Variants in SLC25A3 observed in about 807,000 individuals in gnomAD.
The protein encoded by SLC25A3 is phosphate transport protein.
In SLC25A3, 14 loss-of-function variants were observed where a neutral mutation model predicts 37.1. The observed-to-expected ratio is 0.38, with a 90% confidence interval of 0.25 to 0.59. The LOEUF (loss-of-function observed/expected upper bound fraction) is 0.59, where lower values mean the gene tolerates loss of function less well. Ranked by LOEUF, SLC25A3 falls within the 20% of genes least tolerant of loss-of-function variation. The pLI is 0.67. For synonymous variants in SLC25A3, 161 were observed against 168.7 expected (o/e 0.95, Z 0.36); for missense variants, 385 against 458.1 (o/e 0.84, Z 1.46).
chr12:98,599,785 G>C (rs776694093), intron 5 of SLC25A3, 170 bp from the exon 6 acceptor site: 1 of 824,310 alleles, frequency 1.2e-6, no homozygotes, highest in Admixed American at 1.7e-5. Flanking sequence ...TGGCATGTAA[G>C]AGAAATATAC....
Position 98,597,861 on chromosome 12 carries a change from C to G in SLC25A3, c.285C>G (p.Asp95Glu). The G allele has an allele frequency of 6.2e-7, 1 of 1,612,086 alleles. No homozygotes were observed. The highest frequency in any genetic ancestry group is 8.5e-7 in the Non-Finnish European group (1 of 1,178,622). The part of the protein sequence containing the change: ...LDLVKCRMQV[D>E]PQKYKGIFNG... ...TTTTCTTGTTTTAAATAAAGGTGGA[C>G]CCCCAAAAGTACAAGGGCATATTTA... Residue 95 changes from aspartate (D) to glutamate (E), a missense_variant, in exon 4 of 8, where the codon GAC (aspartate) becomes GAG (glutamate). By Grantham distance (45) the Asp-to-Glu change is conservative. Coordinates refer to ENST00000552981, the MANE Select transcript of SLC25A3 (RefSeq NM_002635.4).
rs2097598349 is a variant in SLC25A3 at position 98,602,074 on chromosome 12, A to G, written c.*546A>G. On this transcript the variant is annotated 3_prime_UTR_variant, in exon 8 of 8. Transcript: ENST00000552981. ...CCTTATTTGTAAGACAAGGTAAACC[A>G]AATTAGGCTGATTCTTAGAATGACA... is the stretch of plus-strand genomic sequence containing the variant. The G allele has an allele frequency of 6.2e-6, 1 of 160,414 alleles. No individual in the cohort carries two copies. Among genetic ancestry groups the G allele is most frequent in the African/African-American group, 2.4e-5 (1 of 41,484 alleles). The allele number at this position is 160,414 out of a possible 1,614,324, so 9.9% of individuals were successfully genotyped here. A position where few individuals can be genotyped will look rare whatever the true frequency, so the allele number is the denominator to read the frequency against.
intron 5 of SLC25A3, chr12:98,599,694 C>T: frequency 1.6e-6 from 1 of 635,428 alleles, no homozygotes; most frequent in Non-Finnish European, 3.0e-6. Flanking sequence ...CACTTGTAAA[C>T]TTCTTGTTTC....
In SLC25A3 at chr12:98,601,699, CTCT is replaced by C; in HGVS notation, c.*174_*176del. The stretch of plus-strand genomic sequence containing the variant: ...AGATTTACTGTTGAAATAAACCCAA[CTCT>C]TCATGATTTGCCTGTGACTTATTTT... On this transcript the variant is annotated 3_prime_UTR_variant, in exon 8 of 8. Transcript: ENST00000552981. 1 of 626,596 alleles carries C rather than the reference CTCT, an allele frequency of 1.6e-6. No homozygotes were observed. The highest frequency in any genetic ancestry group is 2.8e-6 in the Non-Finnish European group (1 of 352,220). The allele number at this position is 626,596 out of a possible 1,614,324, so 38.8% of individuals were successfully genotyped here.
rs754191704 is a variant in SLC25A3, at chr12:98,595,786, T to A, written c.217T>A (p.Leu73Ile). The A allele has an allele frequency of 6.2e-7, 1 of 1,614,234 alleles. No homozygotes were observed. The highest frequency in any genetic ancestry group is 1.7e-5 in the Admixed American group (1 of 60,030). Residue 73 changes from leucine (L) to isoleucine (I), a missense_variant, in exon 3 of 8, where the codon TTA (leucine) becomes ATA (isoleucine). Leu to Ile is a conservative substitution (Grantham distance 5). Transcript: ENST00000552981. ...YYALCGFGGV[L>I]SCGLTHTAVV... ...TGCACTGTGTGGCTTTGGTGGGGTC[T>A]TAAGTTGTGGTCTGACACACACTGC...
At position 98,594,006 on chromosome 12, in the gene SLC25A3, C is replaced by T. The variant is rs1275455194; in HGVS notation, c.28C>T (p.Arg10Trp). 1 of 1,613,864 alleles carries T rather than the reference C, an allele frequency of 6.2e-7. No homozygotes were observed. Among genetic ancestry groups the T allele is most frequent in the South Asian group, 1.1e-5 (1 of 91,088 alleles). The change falls in exon 2 of 8, where the codon CGG (arginine) becomes TGG (tryptophan). Residue 10 changes from arginine to tryptophan, a missense_variant. Arg to Trp is a moderately radical substitution (Grantham distance 101). Transcript: ENST00000552981. ...GTTCTCGTCCGTGGCGCACCTGGCG[C>T]GGGCGAACCCCTTCAACACGCCACA... MFSSVAHLA[R>W]ANPFNTPHLQ... is the part of the protein sequence containing the mutation.
intron 3 of SLC25A3, among the ~76,000 whole-genome samples, chr12:98,596,478 T>G (rs1477067099): frequency 6.6e-6 from 1 of 152,186 alleles, no homozygotes; most frequent in Non-Finnish European, 1.5e-5. Context: ...TCCCTTCTAG[T>G]ACTGGCAGAA....
intron 2 of SLC25A3, chr12:98,595,483 C>G (rs1228399910): frequency 4.3e-6 from 7 of 1,613,086 alleles, no homozygotes; most frequent in Non-Finnish European, 5.9e-6. Flanking sequence ...CCTTTGTGGA[C>G]TTGGAGGAAT....
intron 1 of SLC25A3, 78 bp downstream of exon 1, chr12:98,593,818 G>A: frequency 1.3e-6 from 1 of 766,556 alleles, no homozygotes; most frequent in Non-Finnish European, 2.2e-6. Context: ...CTGCTTTGGC[G>A]GTGGGCCCAG....
At chr12:98,597,830 T>C (rs1432581947) in intron 3 of SLC25A3, 26 bp from the exon 4 acceptor site, 1 of 1,546,714 alleles carries the variant, frequency 6.5e-7, no homozygotes, top group Non-Finnish European at 8.9e-7. Context: ...GTGCATTTAA[T>C]TTTTTTTTTC....
intron 5 of SLC25A3, 68 bp from the exon 6 acceptor site, chr12:98,599,887 G>C (rs775540763): frequency 3.2e-6 from 5 of 1,562,938 alleles, no homozygotes; most frequent in Non-Finnish European, 4.4e-6. Context: ...GGACATTTCT[G>C]TTAATAATGA....
In SLC25A3 at chr12:98,601,973, G is replaced by T; in HGVS notation, c.*445G>T. ...ATGTGTAGTCATTTGTGGTTATTTT[G>T]GCAAGTAAATGTCAGTGTATACTTA... On this transcript the variant is annotated 3_prime_UTR_variant, in exon 8 of 8. Transcript: ENST00000552981. The T allele has an allele frequency of 5.0e-6, 1 of 198,230 alleles. No individual in the cohort carries two copies. The highest frequency in any genetic ancestry group is 8.1e-5 in the South Asian group (1 of 12,380). 12.3% of individuals were successfully genotyped at this position (198,230 alleles called of 1,614,324 possible). A position where few individuals can be genotyped will look rare whatever the true frequency, so the allele number is the denominator to read the frequency against.
chr12:98,602,726 G>A lies in SLC25A3; in HGVS notation c.*1198G>A, dbSNP rs1053799293. The stretch of plus-strand genomic sequence containing the variant: ...GACAGCCCACCACTGGAAAAAAAAC[G>A]AAAAACCTAGTGTAATATATAACAT... On this transcript the variant is annotated 3_prime_UTR_variant, in exon 8 of 8. Transcript: ENST00000552981. 2.6e-5 allele frequency: 4 copies of A among 152,086 alleles called. No individual in the cohort carries two copies. The highest frequency in any genetic ancestry group is 4.4e-5 in the Non-Finnish European group (3 of 68,016). The allele number at this position is 152,086 out of a possible 1,614,324, so 9.4% of individuals were successfully genotyped here.
chr12:98,599,342 C>T (rs1449606397), intron 5 of SLC25A3, among the ~76,000 whole-genome samples: 5 of 152,184 alleles, frequency 3.3e-5, no homozygotes, highest in South Asian at 4.1e-4. Context: ...CGTGAGACAC[C>T]GCGTCTGGCT....
intron 5 of SLC25A3, chr12:98,599,723 A>C (rs1198887561): frequency 1.5e-6 from 1 of 689,032 alleles, no homozygotes; most frequent in East Asian, 2.9e-5. Context: ...CCAGTAGTCA[A>C]AGAAACATCC....
chr12:98,600,440 T>A (rs2097596870), intron 6 of SLC25A3, among the ~76,000 whole-genome samples: 1 of 151,974 alleles, frequency 6.6e-6, no homozygotes, highest in South Asian at 2.1e-4. Flanking sequence ...GAGATGGAGT[T>A]TTACCCTTGT....
At chr12:98,600,216 A>G in intron 6 of SLC25A3, 89 bp downstream of exon 6, 1 of 924,622 alleles carries the variant, frequency 1.1e-6, no homozygotes, top group African/African-American at 1.6e-5. Flanking sequence ...AAAATACTCC[A>G]AAGGTTATAA....
At chr12:98,601,117 C>T in intron 6 of SLC25A3, 54 bp from the exon 7 acceptor site, 2 of 1,585,224 alleles carry the variant, frequency 1.3e-6, no homozygotes, top group South Asian at 1.1e-5. Flanking sequence ...ATTATTGGCT[C>T]TGTGAAGTTT....
chr12:98,598,561 G>C lies in SLC25A3; in HGVS notation c.499G>C (p.Ala167Pro). The C allele has an allele frequency of 6.2e-7, 1 of 1,613,464 alleles. No individual in the cohort carries two copies. The highest frequency in any genetic ancestry group is 1.1e-5 in the South Asian group (1 of 91,058). ...CTGGCGCACATCACTATATTTGGCT[G>C]CCTCTGCCAGTGCTGAATTCTTTGC... ...YLWRTSLYLA[A>P]SASAEFFADI... The change falls in exon 5 of 8, where the codon GCC becomes CCC. Residue 167 changes from alanine (A) to proline (P), a missense_variant. Ala to Pro is a conservative substitution (Grantham distance 27). Transcript: ENST00000552981.
Sources: allele counts gnomAD v4.1 joint callset (sites outside exome capture counted in the v4.1 genomes callset), GRCh38; gene constraint gnomAD v4.1.1; transcripts MANE v1.5; gene names NCBI Gene and HGNC (gene_info 2026-07-23, HGNC 2026-07-21).